Variants in LPP observed in about 807,000 individuals in gnomAD.
LPP encodes LIM domain containing preferred translocation partner in lipoma.
In LPP, 38 loss-of-function variants were observed where a neutral mutation model predicts 60.4. That is an observed-to-expected ratio of 0.63 (90% CI 0.49 to 0.83). The LOEUF is 0.83. Ranked by LOEUF, LPP falls within the 40% of genes least tolerant of loss-of-function variation. LPP has a pLI of 0.00. For missense variants in LPP, 902 were observed against 783.6 expected (o/e 1.15, Z -1.80); for synonymous variants, 328 against 290.8 (o/e 1.13, Z -1.30).
chr3:188,161,221 T>A (rs910271673), intron 1 of LPP, among the ~76,000 whole-genome samples: 6 of 152,086 alleles, frequency 3.9e-5, no homozygotes, highest in Admixed American at 3.9e-4. Flanking sequence ...TGGATCTGTA[T>A]TTCAAAGAGC....
At chr3:188,384,586 T>A (rs1777735837) in intron 3 of LPP, among the ~76,000 whole-genome samples, 1 of 151,586 alleles carries the variant, frequency 6.6e-6, no homozygotes, top group South Asian at 2.1e-4. Context: ...GGTCAGGAGA[T>A]TGAGAGCATC....
chr3:188,848,348 A>C (rs1444608929), intron 9 of LPP, among the ~76,000 whole-genome samples: 4 of 152,218 alleles, frequency 2.6e-5, no homozygotes, highest in Non-Finnish European at 1.5e-5. Context: ...TTCCACCAGC[A>C]TACTGCATGG....
chr3:188,712,238 G>A (rs902044653), intron 8 of LPP: 1 of 152,250 alleles, frequency 6.6e-6, no homozygotes, highest in Non-Finnish European at 1.5e-5. Context: ...AGAGGCAAAG[G>A]ACTAGTGAAA....
Position 188,628,042 on chromosome 3 carries a change from T to TA in LPP, c.1113+18206dup, listed in dbSNP as rs1237717214. Among the ~76,000 whole-genome samples, 36 of 151,718 alleles carry TA rather than the reference T, an allele frequency of 2.4e-4. No individual in the cohort carries two copies. In the South Asian group the frequency reaches 4.4e-3, roughly 18 times the overall value. On this transcript the variant is annotated intron_variant, in intron 7 of 11. Coordinates refer to ENST00000617246, the MANE Select transcript of LPP (RefSeq NM_001375462.1). ...GTAAAGAATGAAATTAAGGCAGAAATAAAAAAAATCCTTTGAAACTAATGA... is the reference window on the plus strand; with the variant it reads ...GTAAAGAATGAAATTAAGGCAGAAATAAAAAAAAATCCTTTGAAACTAATGA...
At chr3:188,588,927 A>G (rs1838081833) in intron 6 of LPP, among the ~76,000 whole-genome samples, 1 of 151,954 alleles carries the variant, frequency 6.6e-6, no homozygotes, top group Admixed American at 6.6e-5. Context: ...GAACTTTCAT[A>G]CACTTCTCTG....
chr3:188,628,587 C>T (rs1219250893), intron 7 of LPP, among the ~76,000 whole-genome samples: 4 of 151,904 alleles, frequency 2.6e-5, no homozygotes, highest in African/African-American at 9.7e-5. Context: ...TAATGAGTTC[C>T]AAAATTGAAT....
intron 5 of LPP, among the ~76,000 whole-genome samples, chr3:188,522,754 G>A (rs1200835169): frequency 6.9e-6 from 1 of 145,658 alleles, no homozygotes; most frequent in Non-Finnish European, 1.5e-5. Context: ...AAATCATAAG[G>A]TGGCTGTTTT....
At chr3:188,438,702 T>C (rs1016106499) in intron 4 of LPP, among the ~76,000 whole-genome samples, 1 of 152,162 alleles carries the variant, frequency 6.6e-6, no homozygotes, top group African/African-American at 2.4e-5. Flanking sequence ...CCTGAGGCTA[T>C]AGAACAGAAC....
chr3:188,687,485 T>A (rs1861043402), intron 7 of LPP, among the ~76,000 whole-genome samples: 1 of 152,172 alleles, frequency 6.6e-6, no homozygotes, highest in African/African-American at 2.4e-5. Flanking sequence ...CTGAGATTTT[T>A]AAGGCAGTTT....
intron 5 of LPP, among the ~76,000 whole-genome samples, chr3:188,515,592 G>T (rs1049773022): frequency 1.3e-5 from 2 of 152,106 alleles, no homozygotes; most frequent in Admixed American, 1.3e-4. Flanking sequence ...CAGTTGTCAA[G>T]CCAGTATTGC....
intron 9 of LPP, among the ~76,000 whole-genome samples, chr3:188,811,386 GCA>G (rs144125693): frequency 2.4e-4 from 29 of 121,650 alleles, no homozygotes; most frequent in African/African-American, 3.5e-4. Flanking sequence ...ACACACACAC[GCA>G]CACACGCTCA....
intron 6 of LPP, among the ~76,000 whole-genome samples, chr3:188,569,801 T>TTA (rs1474075296): frequency 6.6e-6 from 1 of 152,082 alleles, no homozygotes; most frequent in Non-Finnish European, 1.5e-5. Context: ...AGTCCCTGTG[T>TTA]TAGTGAAGAG....
intron 5 of LPP, among the ~76,000 whole-genome samples, chr3:188,514,418 G>A (rs1282272546): frequency 6.6e-6 from 1 of 150,406 alleles, no homozygotes; most frequent in African/African-American, 2.4e-5. Context: ...TCATCCCTGT[G>A]GCAATTTTTT....
intron 1 of LPP, among the ~76,000 whole-genome samples, chr3:188,223,336 T>G (rs1716524007): frequency 6.6e-6 from 1 of 152,202 alleles, no homozygotes; most frequent in Non-Finnish European, 1.5e-5. Flanking sequence ...GATAAATGGA[T>G]GTTAAAAAAT....
chr3:188,592,791 T>C (rs958234347), intron 6 of LPP, among the ~76,000 whole-genome samples: 1 of 151,990 alleles, frequency 6.6e-6, no homozygotes, highest in Non-Finnish European at 1.5e-5. Context: ...CTGCCTGCCT[T>C]GGCCTCCCAA....
At chr3:188,226,103 G>T in intron 2 of LPP, among the ~76,000 whole-genome samples, 1 of 152,116 alleles carries the variant, frequency 6.6e-6, no homozygotes, top group East Asian at 1.9e-4. Flanking sequence ...CCACCTCCCA[G>T]GTTCAAGCGA....
At chr3:188,677,280 T>C (rs1858346444) in intron 7 of LPP, among the ~76,000 whole-genome samples, 1 of 152,220 alleles carries the variant, frequency 6.6e-6, no homozygotes, top group Admixed American at 6.5e-5. Flanking sequence ...TACAATTATG[T>C]TACTTTTAGA....
intron 4 of LPP, among the ~76,000 whole-genome samples, chr3:188,433,599 TGAGAGAGAGAGA>T (rs59204304): frequency 5.1e-5 from 7 of 137,558 alleles, no homozygotes; most frequent in East Asian, 4.5e-4. Flanking sequence ...AGACAGAAAG[TGAGAGAGAGAGA>T]GAGAGAGAGA....
intron 9 of LPP, among the ~76,000 whole-genome samples, chr3:188,856,994 G>A (rs1763991394): frequency 1.3e-5 from 2 of 152,180 alleles, no homozygotes; most frequent in Non-Finnish European, 2.9e-5. Context: ...TTATTGTTAA[G>A]TGGGACAGAA....
Sources: allele counts gnomAD v4.1 joint callset (sites outside exome capture counted in the v4.1 genomes callset), GRCh38; gene constraint gnomAD v4.1.1; transcripts MANE v1.5; gene names NCBI Gene and HGNC (gene_info 2026-07-23, HGNC 2026-07-21).